Variants in RNLS observed in about 807,000 individuals in gnomAD.
RNLS encodes the protein renalase.
Under a neutral mutation model 39.8 loss-of-function variants are expected in RNLS, and 39 were observed. The observed-to-expected ratio is 0.98, with a 90% CI of 0.76 to 1.28. The LOEUF (loss-of-function observed/expected upper bound fraction) is 1.28, where lower values mean the gene tolerates loss of function less well. Among genes scored for constraint, RNLS ranks in the 50% most tolerant of loss-of-function variants. The probability of loss-of-function intolerance (pLI) is 0.00; values close to 1 mark genes in which losing one functional copy is unlikely to be tolerated. For synonymous variants in RNLS, 147 were observed against 150.7 expected (o/e 0.98, Z 0.18); for missense variants, 410 against 413.3 (o/e 0.99, Z 0.07).
At chr10:88,336,110 G>T (rs1051313865) in intron 5 of RNLS, among the ~76,000 whole-genome samples, 1 of 152,176 alleles carries the variant, frequency 6.6e-6, no homozygotes, top group African/African-American at 2.4e-5. Context: ...TTTAGAATCT[G>T]ACAGCATTGA....
intron 5 of RNLS, among the ~76,000 whole-genome samples, chr10:88,349,124 T>C (rs1052395565): frequency 6.6e-6 from 1 of 152,126 alleles, no homozygotes; most frequent in African/African-American, 2.4e-5. Context: ...ATTTGTTCAA[T>C]TGAATGAGGA....
At chr10:88,435,320 T>G (rs553166249) in intron 4 of RNLS, among the ~76,000 whole-genome samples, 1 of 152,172 alleles carries the variant, frequency 6.6e-6, no homozygotes, top group South Asian at 2.1e-4. Flanking sequence ...ACTTATTTCC[T>G]TTTCCTTTTA....
Position 88,343,728 on chromosome 10 carries a change from G to A in RNLS, c.700+18824C>T, listed in dbSNP as rs372644067. On this transcript the variant is annotated intron_variant, in intron 5 of 6. Coordinates refer to ENST00000331772, the MANE Select transcript of RNLS (RefSeq NM_001031709.3). ...GTTTGGGAGAAGATTTTCTTTGGCCGACACCTCCCAAGCTTCATGAAAACA... is the reference window on the plus strand; with the variant it reads ...GTTTGGGAGAAGATTTTCTTTGGCCAACACCTCCCAAGCTTCATGAAAACA... 1.4e-5 allele frequency: 14 copies of A among 985,250 alleles called. No homozygotes were observed. The East Asian group carries it at 1.1e-3, about 80-fold the overall frequency. The allele number at this position is 985,250 out of a possible 1,614,324, so 61.0% of individuals were successfully genotyped here.
At chr10:88,276,905 G>T (rs1013838125) in intron 6 of RNLS, among the ~76,000 whole-genome samples, 3 of 152,140 alleles carry the variant, frequency 2.0e-5, no homozygotes, top group Non-Finnish European at 2.9e-5. Context: ...ATCCTCCCTT[G>T]TTCAAATGTT....
At chr10:88,299,578 T>C (rs553672076) in intron 6 of RNLS, among the ~76,000 whole-genome samples, 27 of 152,304 alleles carry the variant, frequency 1.8e-4, no homozygotes, top group Admixed American at 2.6e-4. Flanking sequence ...TGAGCCAAGA[T>C]TGTGCCACTG....
At chr10:88,541,871 A>T (rs1848062325) in intron 4 of RNLS, among the ~76,000 whole-genome samples, 1 of 151,996 alleles carries the variant, frequency 6.6e-6, no homozygotes, top group Non-Finnish European at 1.5e-5. Flanking sequence ...GGAGCCTAGG[A>T]AGGTGATGTG....
chr10:88,225,231 A>T, the RNLS span, among the ~76,000 whole-genome samples: 71,923 of 152,088 alleles, frequency 0.47, 17,120 homozygotes, highest in East Asian at 0.56. Flanking sequence ...AAAGACAAAA[A>T]ATTATTCAGC....
At chr10:88,262,904 T>C in the RNLS span, among the ~76,000 whole-genome samples, 2 of 152,140 alleles carry the variant, frequency 1.3e-5, no homozygotes, top group Admixed American at 6.5e-5. Context: ...CTCGCCTCTA[T>C]GGAGTCTGCT....
chr10:88,376,954 CA>C (rs927895056), intron 4 of RNLS, among the ~76,000 whole-genome samples: 1 of 151,446 alleles, frequency 6.6e-6, no homozygotes, highest in Non-Finnish European at 1.5e-5. Context: ...ACTTAAGATA[CA>C]AAAAAAGAGT....
At chr10:88,370,473 C>T (rs1352148720) in intron 4 of RNLS, among the ~76,000 whole-genome samples, 1 of 152,140 alleles carries the variant, frequency 6.6e-6, no homozygotes, top group African/African-American at 2.4e-5. Context: ...TCCTGATTTA[C>T]CACCATATAT....
At chr10:88,191,562 C>T in the RNLS span, among the ~76,000 whole-genome samples, 2 of 152,096 alleles carry the variant, frequency 1.3e-5, no homozygotes, top group Admixed American at 1.3e-4. Flanking sequence ...TTGATTTTTT[C>T]CCCTTTATTA....
chr10:88,490,121 C>T (rs544432539), intron 4 of RNLS, among the ~76,000 whole-genome samples: 1 of 152,264 alleles, frequency 6.6e-6, no homozygotes, highest in African/African-American at 2.4e-5. Context: ...AATTTGTTCA[C>T]TTAATAGTAA....
At chr10:88,329,352 T>C (rs1445305186) in intron 5 of RNLS, among the ~76,000 whole-genome samples, 1 of 152,164 alleles carries the variant, frequency 6.6e-6, no homozygotes, top group Non-Finnish European at 1.5e-5. Context: ...ATGTCCAGCC[T>C]GAGAGGTCTT....
chr10:88,332,190 A>G (rs1847168840), intron 5 of RNLS, among the ~76,000 whole-genome samples: 1 of 152,238 alleles, frequency 6.6e-6, no homozygotes, highest in South Asian at 2.1e-4. Context: ...ACAGCAGCCA[A>G]AATTCAGCTA....
intron 3 of RNLS, among the ~76,000 whole-genome samples, chr10:88,575,958 G>T (rs1343897034): frequency 6.6e-6 from 1 of 152,024 alleles, no homozygotes; most frequent in Non-Finnish European, 1.5e-5. Flanking sequence ...TCCTCCTACT[G>T]CTTCAAAACA....
At chr10:88,263,034 G>A in the RNLS span, among the ~76,000 whole-genome samples, 1 of 152,076 alleles carries the variant, frequency 6.6e-6, no homozygotes, top group Non-Finnish European at 1.5e-5. Flanking sequence ...TCTGAAAAAT[G>A]GAAATGATAC....
intron 5 of RNLS, among the ~76,000 whole-genome samples, chr10:88,361,306 C>CCTCCA (rs1849623480): frequency 6.6e-6 from 1 of 152,170 alleles, no homozygotes; most frequent in Non-Finnish European, 1.5e-5. Flanking sequence ...ACAATTCAGT[C>CCTCCA]CATAGCAGAT....
At chr10:88,268,085 C>CATATGGATT in the RNLS span, among the ~76,000 whole-genome samples, 1 of 152,210 alleles carries the variant, frequency 6.6e-6, no homozygotes, top group Non-Finnish European at 1.5e-5. Flanking sequence ...TTTTGAACTG[C>CATATGGATT]ATATGGATTC....
intron 4 of RNLS, among the ~76,000 whole-genome samples, chr10:88,401,175 T>C (rs1169520643): frequency 6.6e-6 from 1 of 151,968 alleles, no homozygotes; most frequent in Non-Finnish European, 1.5e-5. Context: ...AATGCACTTC[T>C]GATTATTCTG....
Sources: allele counts gnomAD v4.1 joint callset (sites outside exome capture counted in the v4.1 genomes callset), GRCh38; gene constraint gnomAD v4.1.1; transcripts MANE v1.5; gene names NCBI Gene and HGNC (gene_info 2026-07-23, HGNC 2026-07-21).